Variants in GAGE10 observed in about 807,000 individuals in gnomAD.
GAGE10 encodes G antigen 10.
A neutral mutation model predicts 11.5 loss-of-function variants in GAGE10; 9 were observed. That is an observed-to-expected ratio of 0.78 (90% CI 0.47 to 1.37). GAGE10 has a LOEUF of 1.37. Ranked by LOEUF, GAGE10 falls within the 40% of genes most tolerant of loss-of-function variation. The pLI is 0.00. For missense variants in GAGE10, 83 were observed against 92.9 expected, an observed-to-expected ratio of 0.89 and a Z score of 0.44; for synonymous variants, 23 against 29.7, an observed-to-expected ratio of 0.77 and a Z score of 0.73.
chrX:49,309,874 G>C (rs1210239120), intron 3 of GAGE10, among the ~76,000 whole-genome samples: 1 of 111,986 alleles, frequency 8.9e-6, no homozygotes, highest in East Asian at 2.8e-4. Flanking sequence ...GCCGTCTCAG[G>C]TCTGGCCATG....
Position 49,317,165 on chromosome X carries a change from C to A in GAGE10, c.205C>A (p.Pro69Thr). ...EDEGASAGQG[P>T]KPEADSQEQV... is the part of the protein sequence containing the mutation. ...GATATGTATTTTTTATTTTTAATGGCCGAAGCCTGAAGCTGATAGCCAGGA... is the reference window on the plus strand; with the variant it reads ...GATATGTATTTTTTATTTTTAATGGACGAAGCCTGAAGCTGATAGCCAGGA... Residue 69 changes from proline (P) to threonine (T), a missense_variant and splice_region_variant, in exon 4 of 5, where the codon CCG becomes ACG. Physicochemically the swap from Pro to Thr is conservative, Grantham distance 38. Around this residue, in one of 3 missense-constraint regions of GAGE10, gnomAD observed 66 missense variants for 35.4 expected, o/e 1.87. Transcript: ENST00000407599. The A allele has an allele frequency of 8.3e-7, 1 of 1,201,208 alleles. No individual in the cohort carries two copies.
Position 49,317,268 on chromosome X carries a change from A to C in GAGE10, c.308A>C (p.Glu103Ala), listed in dbSNP as rs1557125395. The change falls in exon 4 of 5, where the codon GAG becomes GCG. Residue 103 changes from glutamate (E) to alanine (A), a missense_variant. Around this residue, in one of 3 missense-constraint regions of GAGE10, gnomAD observed 66 missense variants for 35.4 expected, o/e 1.87. Coordinates refer to ENST00000407599, the MANE Select transcript of GAGE10 (RefSeq NM_001098413.4). ...GAGATGGGCCTGCCAAATCCAGAGG[A>C]GGTGAAAAGGCCTGAAGAAGGTAGG... ...GQEMGLPNPE[E>A]VKRPEEGEKQ... The C allele has an allele frequency of 8.3e-7, 1 of 1,206,906 alleles. No individual in the cohort carries two copies. Among genetic ancestry groups the C allele is most frequent in the Non-Finnish European group, 1.1e-6 (1 of 892,515 alleles).
At chrX:49,314,996 A>G (rs2066386723) in intron 3 of GAGE10, among the ~76,000 whole-genome samples, 2 of 112,088 alleles carry the variant, frequency 1.8e-5, no homozygotes, top group Non-Finnish European at 3.8e-5. Flanking sequence ...GCCTAGGGCA[A>G]CAGTATTATG....
At chrX:49,308,640 C>G (rs1445308411) in intron 3 of GAGE10, among the ~76,000 whole-genome samples, 2 of 111,993 alleles carry the variant, frequency 1.8e-5, no homozygotes, top group Non-Finnish European at 3.8e-5. Flanking sequence ...TCATGTCCCC[C>G]TAATAAAGTG....
chrX:49,306,446 C>G (rs1379201468), intron 3 of GAGE10, among the ~76,000 whole-genome samples: 3 of 112,124 alleles, frequency 2.7e-5, no homozygotes, highest in Middle Eastern at 4.2e-3. Flanking sequence ...CTAAATATAA[C>G]TTTATTTGAA....
intron 3 of GAGE10, among the ~76,000 whole-genome samples, chrX:49,311,856 C>T (rs1282998501): frequency 1.2e-4 from 13 of 112,191 alleles, no homozygotes; most frequent in Non-Finnish European, 1.1e-4. Flanking sequence ...CTATGGCAAT[C>T]CTTATAGAAG....
intron 4 of GAGE10, 139 bp downstream of exon 4, chrX:49,317,427 A>C: frequency 1.0e-6 from 1 of 980,673 alleles, no homozygotes; most frequent in Non-Finnish European, 1.4e-6. Flanking sequence ...GGCTCATTGG[A>C]AATTCCGCCT....
At chrX:49,314,904 T>C (rs1271009534) in intron 3 of GAGE10, among the ~76,000 whole-genome samples, 5 of 112,430 alleles carry the variant, frequency 4.4e-5, no homozygotes, top group Non-Finnish European at 9.4e-5. Flanking sequence ...CAGTGTTTGG[T>C]TGTTAAAAAC....
chrX:49,305,863 TG>T (rs2066354915), intron 3 of GAGE10, among the ~76,000 whole-genome samples: 1 of 111,480 alleles, frequency 9.0e-6, no homozygotes, highest in South Asian at 3.7e-4. Flanking sequence ...CCATCTATGT[TG>T]CTGTAAAAAC....
At position 49,313,143 on chromosome X, in the gene GAGE10, G is replaced by A. The variant is rs1449695662; in HGVS notation, c.203-4020G>A. Among the ~76,000 whole-genome samples the A allele has an allele frequency of 5.3e-5, 6 of 112,290 alleles. No homozygotes were observed. In the Admixed American group the frequency reaches 5.6e-4, roughly 11 times the overall value. The stretch of plus-strand genomic sequence containing the variant: ...TAAAAGACATCATACCAAGATTTGG[G>A]TTGCCTTTAACCCTAGGATCAGACA... On this transcript the variant is annotated intron_variant, in intron 3 of 4. Transcript: ENST00000407599.
intron 3 of GAGE10, among the ~76,000 whole-genome samples, chrX:49,313,256 A>C (rs1171108015): frequency 8.9e-6 from 1 of 112,165 alleles, no homozygotes; most frequent in Non-Finnish European, 1.9e-5. Flanking sequence ...TACTCACCAC[A>C]GAGTTCAGGG....
chrX:49,317,239 C>G lies in GAGE10; in HGVS notation c.279C>G (p.Gly93=), dbSNP rs782763482. The change falls in exon 4 of 5, where the codon GGC becomes GGG. Residue 93 remains glycine, a synonymous_variant. Transcript: ENST00000407599. ...GTGAGTGTGGAGATGGTCCTGATGG[C>G]CAGGAGATGGGCCTGCCAAATCCAG... ...TGCECGDGPD[G]QEMGLPNPEE... 4 of 1,207,574 alleles carry G rather than the reference C, an allele frequency of 3.3e-6. No individual in the cohort carries two copies. The highest frequency in any genetic ancestry group is 3.5e-5 in the African/African-American group (2 of 57,605).
At chrX:49,310,220 G>A (rs782802489) in intron 3 of GAGE10, among the ~76,000 whole-genome samples, 19 of 111,749 alleles carry the variant, frequency 1.7e-4, no homozygotes, top group African/African-American at 5.5e-4. Context: ...TAGAAGCTCC[G>A]TAGGTGTGAA....
intron 1 of GAGE10, among the ~76,000 whole-genome samples, chrX:49,304,416 A>AACTAAAC (rs2066347866): frequency 8.9e-6 from 1 of 112,834 alleles, no homozygotes; most frequent in Non-Finnish European, 1.9e-5. Flanking sequence ...TTTCATGTGG[A>AACTAAAC]GTCCACTTGT....
At chrX:49,317,402 C>A in intron 4 of GAGE10, 114 bp downstream of exon 4, 2 of 1,043,484 alleles carry the variant, frequency 1.9e-6, no homozygotes, top group Non-Finnish European at 2.6e-6. Context: ...GGCTGGAGTG[C>A]AGTGGTGGCA....
intron 3 of GAGE10, among the ~76,000 whole-genome samples, chrX:49,311,838 G>A (rs782204458): frequency 1.8e-5 from 2 of 112,238 alleles, no homozygotes; most frequent in Admixed American, 9.4e-5. Context: ...GCCTCAGGGC[G>A]CTGGCAGCTA....
chrX:49,317,352 A>C (rs1557125431), intron 4 of GAGE10, 64 bp downstream of exon 4: 2 of 1,146,323 alleles, frequency 1.7e-6, no homozygotes, highest in South Asian at 1.8e-5. Flanking sequence ...TATCATAATT[A>C]TTATTACATT....
chrX:49,305,713 C>G (rs1336576259), intron 3 of GAGE10, among the ~76,000 whole-genome samples, 189 bp downstream of exon 3: 7 of 112,451 alleles, frequency 6.2e-5, no homozygotes, highest in African/African-American at 2.3e-4. Flanking sequence ...TGCAGCTTAG[C>G]TTAGGCAAAT....
intron 3 of GAGE10, among the ~76,000 whole-genome samples, chrX:49,311,032 G>A (rs1288752868): frequency 7.2e-5 from 8 of 111,044 alleles, no homozygotes; most frequent in Non-Finnish European, 1.5e-4. Flanking sequence ...GAGGAATGGC[G>A]GCTCTGTGAA....
Sources: allele counts gnomAD v4.1 joint callset (sites outside exome capture counted in the v4.1 genomes callset), GRCh38; gene constraint gnomAD v4.1.1; regional missense constraint gnomAD v4.1.1; transcripts MANE v1.5; gene names NCBI Gene and HGNC (gene_info 2026-07-23, HGNC 2026-07-21).